The following SV2C variants were observed in gnomAD, a reference collection of about 807,000 sequenced individuals.
The protein encoded by SV2C is synaptic vesicle glycoprotein 2C.
A neutral mutation model predicts 79.7 loss-of-function variants in SV2C; 49 were observed. The ratio of observed to expected loss-of-function variants is 0.61; its 90% confidence interval spans 0.49 to 0.78. The LOEUF is 0.78. Among genes scored for constraint, SV2C ranks in the 30% least tolerant of loss-of-function variants. The pLI, the probability that SV2C is intolerant of heterozygous loss-of-function variation, is 0.00. For synonymous variants in SV2C, 334 were observed against 333.2 expected (o/e 1.00, Z -0.03); for missense variants, 833 against 912.9 (o/e 0.91, Z 1.13).
At chr5:75,884,326 C>T in the SV2C span, among the ~76,000 whole-genome samples, 10 of 152,100 alleles carry the variant, frequency 6.6e-5, no homozygotes, top group Non-Finnish European at 1.3e-4. Flanking sequence ...CTTGATTGCA[C>T]CGTGATTGCT....
intron 12 of SV2C, among the ~76,000 whole-genome samples, chr5:76,346,181 T>C (rs1306141077): frequency 6.6e-6 from 1 of 152,200 alleles, no homozygotes; most frequent in East Asian, 1.9e-4. Flanking sequence ...ATTTCCACCA[T>C]ACAGATACAA....
intron 12 of SV2C, among the ~76,000 whole-genome samples, chr5:76,317,443 A>C (rs1039687656): frequency 1.1e-3 from 150 of 142,660 alleles, no homozygotes; most frequent in African/African-American, 2.4e-3. Context: ...ACCCCCCCCA[A>C]CACACACACA....
At chr5:76,086,582 C>A (rs1382503510) in intron 1 of SV2C, among the ~76,000 whole-genome samples, 1 of 152,170 alleles carries the variant, frequency 6.6e-6, no homozygotes, top group African/African-American at 2.4e-5. Flanking sequence ...TCCATTTAAA[C>A]ACAAACTCAT....
At chr5:75,947,723 C>T in the SV2C span, among the ~76,000 whole-genome samples, 2 of 152,056 alleles carry the variant, frequency 1.3e-5, no homozygotes, top group Admixed American at 6.6e-5. Context: ...ACAAAAACAT[C>T]ATGTCTCAAA....
intron 12 of SV2C, among the ~76,000 whole-genome samples, chr5:76,302,846 C>T (rs1386934372): frequency 2.0e-5 from 3 of 151,894 alleles, no homozygotes; most frequent in Non-Finnish European, 4.4e-5. Context: ...GTCCTCTGTG[C>T]CAGAGGGTGG....
the SV2C span, among the ~76,000 whole-genome samples, chr5:76,035,061 G>A: frequency 6.6e-6 from 1 of 152,034 alleles, no homozygotes; most frequent in African/African-American, 2.4e-5. Flanking sequence ...ATTCTCTGAT[G>A]GTAGTTTGTA....
chr5:76,090,312 C>CTGTGCCAATTG (rs1747332765), intron 1 of SV2C, among the ~76,000 whole-genome samples: 1 of 152,232 alleles, frequency 6.6e-6, no homozygotes, highest in South Asian at 2.1e-4. Context: ...GCATTGGGCC[C>CTGTGCCAATTG]TGCCAATTGT....
chr5:76,068,531 C>G, the SV2C span, among the ~76,000 whole-genome samples: 1 of 151,960 alleles, frequency 6.6e-6, no homozygotes, highest in Non-Finnish European at 1.5e-5. Flanking sequence ...TGTATTATCA[C>G]TGTAGGTTTT....
chr5:75,889,599 C>T, the SV2C span, among the ~76,000 whole-genome samples: 1 of 152,012 alleles, frequency 6.6e-6, no homozygotes, highest in African/African-American at 2.4e-5. Context: ...GATTTAGTGA[C>T]CACATTTTAA....
chr5:75,934,975 C>A, the SV2C span, among the ~76,000 whole-genome samples: 1 of 150,962 alleles, frequency 6.6e-6, no homozygotes, highest in Non-Finnish European at 1.5e-5. Context: ...CATATGCTCA[C>A]AAAATATTAA....
At position 76,296,084 on chromosome 5, in the gene SV2C, A is replaced by G. The variant is rs139781923; in HGVS notation, c.1502+142A>G. The G allele has an allele frequency of 4.2e-4, 295 of 708,434 alleles. No homozygotes were observed. The African/African-American group carries it at 4.8e-3, about 12-fold the overall frequency. The allele number at this position is 708,434 out of a possible 1,614,324, so 43.9% of individuals were successfully genotyped here. Reference sequence around the variant, plus strand: ...TTAGTCATTTTCATGATGAATTTCAATACTTCTTAATAGGCTTTAAATAAA... The same window carrying G: ...TTAGTCATTTTCATGATGAATTTCAGTACTTCTTAATAGGCTTTAAATAAA... On this transcript the variant is annotated intron_variant, in intron 9 of 12. Transcript: ENST00000502798.
chr5:76,144,856 T>C (rs1749370455), intron 2 of SV2C, among the ~76,000 whole-genome samples: 1 of 152,134 alleles, frequency 6.6e-6, no homozygotes, highest in South Asian at 2.1e-4. Flanking sequence ...TTTTAGCAAA[T>C]CATGTGTCTA....
intron 4 of SV2C, among the ~76,000 whole-genome samples, chr5:76,250,072 A>G (rs59615642): frequency 0.075 from 11,400 of 152,254 alleles, 552 homozygotes; most frequent in South Asian, 0.13. Flanking sequence ...ATAATTGAAG[A>G]CCTTAATTCT....
chr5:76,255,985 A>T (rs976514331), intron 4 of SV2C, among the ~76,000 whole-genome samples: 8 of 152,338 alleles, frequency 5.3e-5, no homozygotes, highest in Middle Eastern at 3.4e-3. Flanking sequence ...AATAAAGGGG[A>T]CAGAATGCAA....
the SV2C span, among the ~76,000 whole-genome samples, chr5:75,889,258 A>AC: frequency 3.3e-5 from 1 of 29,998 alleles, no homozygotes; most frequent in Non-Finnish European, 7.0e-5. Context: ...CCAGCCCCCC[A>AC]CCCCCTGACA....
the SV2C span, among the ~76,000 whole-genome samples, chr5:76,012,718 C>T: frequency 1.7e-3 from 262 of 152,174 alleles, 2 homozygotes; most frequent in African/African-American, 5.9e-3. Context: ...AGATTTTCTT[C>T]GGGGTTTTTA....
At chr5:76,051,932 T>G in the SV2C span, among the ~76,000 whole-genome samples, 1 of 152,234 alleles carries the variant, frequency 6.6e-6, no homozygotes, top group Non-Finnish European at 1.5e-5. Flanking sequence ...GTCACTTCTT[T>G]ATTCTCTGCA....
At chr5:75,888,338 A>T in the SV2C span, among the ~76,000 whole-genome samples, 1 of 148,476 alleles carries the variant, frequency 6.7e-6, no homozygotes, top group African/African-American at 2.5e-5. Flanking sequence ...TTTTAAAAAA[A>T]AAAAAATTTT....
At chr5:76,008,279 G>T in the SV2C span, among the ~76,000 whole-genome samples, 2 of 152,146 alleles carry the variant, frequency 1.3e-5, no homozygotes, top group Admixed American at 6.6e-5. Context: ...CTCAGCAGGG[G>T]AGCCTGTGAA....
Sources: allele counts gnomAD v4.1 joint callset (sites outside exome capture counted in the v4.1 genomes callset), GRCh38; gene constraint gnomAD v4.1.1; transcripts MANE v1.5; gene names NCBI Gene and HGNC (gene_info 2026-07-23, HGNC 2026-07-21).